The following CARF variants were observed in gnomAD, a reference collection of about 807,000 sequenced individuals.
CARF encodes the protein calcium responsive transcription factor.
CARF carries 57 observed loss-of-function variants against 82.0 expected under a neutral mutation model. The ratio of observed to expected loss-of-function variants is 0.70; its 90% CI spans 0.56 to 0.87. The LOEUF is 0.87. Among genes scored for constraint, CARF ranks in the 40% least tolerant of loss-of-function variants. The probability of loss-of-function intolerance (pLI) is 0.00; values close to 1 mark genes in which losing one functional copy is unlikely to be tolerated. For missense variants in CARF, 771 were observed against 855.8 expected (o/e 0.90, Z 1.24); for synonymous variants, 268 against 290.1 (o/e 0.92, Z 0.77).
rs189990379 is a variant in CARF, at chr2:202,955,446, C to T, written c.558-228C>T. Among the ~76,000 whole-genome samples the T allele has an allele frequency of 2.0e-5, 3 of 152,182 alleles. No individual in the cohort carries two copies. The East Asian group carries it at 5.8e-4, about 29-fold the overall frequency. On this transcript the variant is annotated intron_variant, in intron 7 of 16. Transcript: ENST00000438828. ...GAAACACTTAAAGTTGTTGGGACTA[C>T]GTGTATCTGGAAGAAGAAATTTAGG...
At chr2:202,964,021 A>G (rs1266574731) in intron 9 of CARF, among the ~76,000 whole-genome samples, 1 of 152,152 alleles carries the variant, frequency 6.6e-6, no homozygotes, top group Non-Finnish European at 1.5e-5. Flanking sequence ...CACATAATCA[A>G]ACACCAATTC....
At chr2:202,928,762 C>G (rs944499249) in intron 3 of CARF, among the ~76,000 whole-genome samples, 2 of 152,034 alleles carry the variant, frequency 1.3e-5, no homozygotes, top group Non-Finnish European at 2.9e-5. Context: ...CGTATGTCTT[C>G]TTCGTCAGAC....
chr2:202,920,185 C>T (rs543219125), intron 2 of CARF, among the ~76,000 whole-genome samples: 20 of 148,388 alleles, frequency 1.3e-4, no homozygotes, highest in African/African-American at 4.7e-4. Flanking sequence ...GACGGGGTCT[C>T]GCTCTGTCGC....
chr2:202,974,684 C>T (rs893426365), intron 13 of CARF, among the ~76,000 whole-genome samples, 188 bp downstream of exon 13: 8 of 151,154 alleles, frequency 5.3e-5, no homozygotes, highest in African/African-American at 1.9e-4. Flanking sequence ...GGATCACCTG[C>T]GGTCAGAAGT....
chr2:202,935,299 T>C (rs1693742661), intron 3 of CARF, among the ~76,000 whole-genome samples: 1 of 99,250 alleles, frequency 1.0e-5, no homozygotes, highest in African/African-American at 3.5e-5. Flanking sequence ...TTATATATAT[T>C]ATATTTATAT....
intron 2 of CARF, among the ~76,000 whole-genome samples, chr2:202,919,734 T>G (rs1485913517): frequency 6.6e-6 from 1 of 152,176 alleles, no homozygotes; most frequent in Non-Finnish European, 1.5e-5. Context: ...AGAAGAGAGC[T>G]TTGTTTATTG....
At chr2:202,980,235 A>G (rs1158963965) in intron 14 of CARF, among the ~76,000 whole-genome samples, 1 of 152,124 alleles carries the variant, frequency 6.6e-6, no homozygotes, top group East Asian at 1.9e-4. Flanking sequence ...TGAGATTACA[A>G]GCGTGAGCCA....
rs201541233 is a variant in CARF, at chr2:202,971,727, G to A, written c.1320G>A (p.Arg440=). The part of the protein sequence containing the change: ...SQGIEQVYAV[R]KQLRKFVERE... ...GAATAGAACAAGTGTATGCAGTAAG[G>A]AAACAGCTAAGGTACAATAGAAGAG... The change falls in exon 12 of 17, where the codon AGG becomes AGA. Residue 440 remains arginine, a synonymous_variant. Coordinates refer to ENST00000438828, the MANE Select transcript of CARF (RefSeq NM_024744.17). 1.5e-3 allele frequency: 2,349 copies of A among 1,608,684 alleles called. 29 individuals are homozygous for A. The highest frequency in any genetic ancestry group is 0.014 in the South Asian group (1,305 of 90,844).
chr2:202,939,892 G>T (rs1222243091), intron 3 of CARF, among the ~76,000 whole-genome samples: 2 of 151,798 alleles, frequency 1.3e-5, no homozygotes, highest in Admixed American at 6.6e-5. Flanking sequence ...ATCTCATTAT[G>T]TTGCCCAGGC....
rs1559298372 is a variant in CARF at position 202,986,867 on chromosome 2, C to CAT, written c.*3243_*3244insAT. ...AAAAGAGGTTTAAAAAATGTCTGTGCGTATATATATATATATATATATATA... is the reference window on the plus strand; with the variant it reads ...AAAAGAGGTTTAAAAAATGTCTGTGCATGTATATATATATATATATATATATA... On this transcript the variant is annotated 3_prime_UTR_variant, in exon 17 of 17. Transcript: ENST00000438828. 0.05 allele frequency: 2,837 copies of CAT among 56,624 alleles called. 211 individuals carry two copies. The highest frequency in any genetic ancestry group is 0.084 in the East Asian group (206 of 2,454). 3.5% of individuals were successfully genotyped at this position (56,624 alleles called of 1,614,324 possible). A position where few individuals can be genotyped will look rare whatever the true frequency, so the allele number is the denominator to read the frequency against.
intron 3 of CARF, 97 bp from the exon 4 acceptor site, chr2:202,941,762 AG>A: frequency 3.7e-6 from 2 of 541,304 alleles, no homozygotes; most frequent in South Asian, 5.6e-5. Context: ...TAAATTATAT[AG>A]GGTACCACAG....
chr2:202,983,420 A>G, intron 16 of CARF, 86 bp from the exon 17 acceptor site: 1 of 852,826 alleles, frequency 1.2e-6, no homozygotes, highest in Non-Finnish European at 1.8e-6. Context: ...CACAGAAGTT[A>G]TTTTTAGAAT....
intron 14 of CARF, among the ~76,000 whole-genome samples, chr2:202,978,590 G>A (rs866038725): frequency 1.3e-5 from 2 of 152,210 alleles, no homozygotes; most frequent in Non-Finnish European, 2.9e-5. Context: ...ATCCTGGATA[G>A]AGAGTGAAAC....
chr2:202,980,979 C>T (rs1354113179), intron 14 of CARF, among the ~76,000 whole-genome samples: 1 of 151,948 alleles, frequency 6.6e-6, no homozygotes, highest in Middle Eastern at 3.2e-3. Flanking sequence ...TATGGAGGGA[C>T]AATCCCATTC....
At position 202,960,695 on chromosome 2, in the gene CARF, T is replaced by C. The variant is rs181705727; in HGVS notation, c.643-542T>C. The stretch of plus-strand genomic sequence containing the variant: ...TTAATCTCAGGCCTTCCTGCCTTCC[T>C]GCCTTCCCACCTTCCCGCCTTCCCG... On this transcript the variant is annotated intron_variant, in intron 8 of 16. Coordinates refer to ENST00000438828, the MANE Select transcript of CARF (RefSeq NM_024744.17). Among the ~76,000 whole-genome samples the C allele has an allele frequency of 3.1e-3, 462 of 151,472 alleles. 1 individual carries two copies. The highest frequency in any genetic ancestry group is 5.0e-3 in the Non-Finnish European group (342 of 67,754).
rs1464246877 is a variant in CARF at position 202,987,147 on chromosome 2, T to C, written c.*3523T>C. ...AAGTAACTCCTGTTAGCATTACATT[T>C]TGGGGAGACATATATGCATTTAATA... On this transcript the variant is annotated 3_prime_UTR_variant, in exon 17 of 17. Coordinates refer to ENST00000438828, the MANE Select transcript of CARF (RefSeq NM_024744.17). 6.6e-6 allele frequency: 1 copy of C among 151,504 alleles called. No homozygotes were observed. Among genetic ancestry groups the C allele is most frequent in the Non-Finnish European group, 1.5e-5 (1 of 67,910 alleles). The allele number at this position is 151,504 out of a possible 1,614,324, so 9.4% of individuals were successfully genotyped here.
chr2:202,949,951 A>G (rs1182881255), intron 5 of CARF, among the ~76,000 whole-genome samples: 1 of 152,194 alleles, frequency 6.6e-6, no homozygotes, highest in African/African-American at 2.4e-5. Context: ...GGTCTTTTGA[A>G]TTTATTAGAA....
intron 5 of CARF, among the ~76,000 whole-genome samples, chr2:202,944,981 G>A (rs774755247): frequency 2.0e-5 from 3 of 152,082 alleles, no homozygotes; most frequent in Non-Finnish European, 2.9e-5. Context: ...TTAGGTAGGC[G>A]ATGACACAGA....
At chr2:202,932,392 C>A (rs1473203638) in intron 3 of CARF, among the ~76,000 whole-genome samples, 4 of 152,098 alleles carry the variant, frequency 2.6e-5, no homozygotes, top group Non-Finnish European at 5.9e-5. Context: ...CTCTCAGATA[C>A]CCTCTAGCAG....
Sources: gnomAD v4.1 joint callset for allele counts (sites outside exome capture counted in the v4.1 genomes callset) on GRCh38, gnomAD v4.1.1 for gene constraint, MANE v1.5 for transcripts, NCBI Gene and HGNC (gene_info 2026-07-23, HGNC 2026-07-21) for gene names.